TRIT1: variants seen among roughly 807,000 people sequenced by gnomAD.
The protein encoded by TRIT1 is tRNA dimethylallyltransferase.
TRIT1 carries 43 observed loss-of-function variants against 51.2 expected under a neutral mutation model. The ratio of observed to expected loss-of-function variants is 0.84; its 90% CI spans 0.66 to 1.08. The LOEUF is 1.08. Ranked by LOEUF, TRIT1 falls within the 50% of genes least tolerant of loss-of-function variation. TRIT1 has a pLI of 0.00. For missense variants in TRIT1, 528 were observed against 578.4 expected (o/e 0.91, Z 0.89); for synonymous variants, 184 against 203.9 (o/e 0.90, Z 0.83).
intron 1 of TRIT1, among the ~76,000 whole-genome samples, chr1:39,858,334 G>A (rs1368253887): frequency 3.3e-5 from 5 of 152,142 alleles, no homozygotes; most frequent in African/African-American, 1.2e-4. Flanking sequence ...AGACCCTGGC[G>A]CCAGGCTGCC....
chr1:39,870,513 T>TAAAAAAAAAAAAAAA (rs60334518), intron 1 of TRIT1, among the ~76,000 whole-genome samples: 3 of 78,788 alleles, frequency 3.8e-5, no homozygotes, highest in African/African-American at 1.5e-4. Context: ...CAATAAATAC[T>TAAAAAAAAAAAAAAA]AAAAAAAAAA....
chr1:39,880,808 A>G (rs1023584911), intron 1 of TRIT1, among the ~76,000 whole-genome samples: 11 of 142,646 alleles, frequency 7.7e-5, no homozygotes, highest in Admixed American at 2.0e-4. Context: ...CAAAAAAAAA[A>G]AGAAAAGAAA....
At chr1:39,869,207 A>G (rs1643730025) in intron 1 of TRIT1, among the ~76,000 whole-genome samples, 1 of 151,438 alleles carries the variant, frequency 6.6e-6, no homozygotes, top group Non-Finnish European at 1.5e-5. Context: ...TCCCTGCCTG[A>G]TTCTCCTGCT....
chr1:39,844,758 A>G (rs1009282627), intron 8 of TRIT1, 118 bp from the exon 9 acceptor site: 1 of 686,676 alleles, frequency 1.5e-6, no homozygotes, highest in Non-Finnish European at 2.6e-6. Flanking sequence ...CATTCTGACC[A>G]TGCTGTTAAT....
chr1:39,857,456 T>C, intron 1 of TRIT1, 39 bp from the exon 2 acceptor site: 15 of 1,602,866 alleles, frequency 9.4e-6, no homozygotes, highest in Non-Finnish European at 1.3e-5. Context: ...GTCAACCACC[T>C]CCATAAAAGA....
At chr1:39,853,585 G>A (rs141996544) in intron 3 of TRIT1, among the ~76,000 whole-genome samples, 288 of 152,002 alleles carry the variant, frequency 1.9e-3, no homozygotes, top group Middle Eastern at 6.8e-3. Context: ...TAGTAGAGAC[G>A]GGGTTTAGTA....
At chr1:39,873,662 T>C (rs1326309914) in intron 1 of TRIT1, among the ~76,000 whole-genome samples, 1 of 152,156 alleles carries the variant, frequency 6.6e-6, no homozygotes, top group Non-Finnish European at 1.5e-5. Flanking sequence ...GATATTAATA[T>C]TAGGACAAGG....
intron 1 of TRIT1, among the ~76,000 whole-genome samples, chr1:39,861,616 T>C (rs1643250436): frequency 6.6e-6 from 1 of 152,162 alleles, no homozygotes; most frequent in African/African-American, 2.4e-5. Flanking sequence ...AAATGAGTAT[T>C]ATTCAGCCTT....
At chr1:39,846,931 G>T in intron 8 of TRIT1, 1 of 286,106 alleles carries the variant, frequency 3.5e-6, no homozygotes, top group Non-Finnish European at 6.4e-6. Flanking sequence ...AATCAGCCCT[G>T]AACACCAACT....
Position 39,838,485 on chromosome 1 carries a change from T to A in TRIT1, c.*3259A>T, listed in dbSNP as rs1450799896. ...AGGGGGTTGTTAGTTTTATTTTCTT[T>A]TTGAGCAACATGGTCTTGCTCTGCC... On this transcript the variant is annotated 3_prime_UTR_variant, in exon 11 of 11. Transcript: ENST00000316891. Among the ~76,000 whole-genome samples the A allele has an allele frequency of 6.6e-6, 1 of 152,028 alleles. No individual in the cohort carries two copies. Among genetic ancestry groups the A allele is most frequent in the Admixed American group, 6.6e-5 (1 of 15,262 alleles).
chr1:39,865,090 A>G (rs1643461486), intron 1 of TRIT1, among the ~76,000 whole-genome samples: 1 of 152,222 alleles, frequency 6.6e-6, no homozygotes, highest in African/African-American at 2.4e-5. Context: ...TACTGAGATC[A>G]TTAATGAACA....
At chr1:39,871,015 G>A (rs751372238) in intron 1 of TRIT1, among the ~76,000 whole-genome samples, 1 of 152,148 alleles carries the variant, frequency 6.6e-6, no homozygotes, top group South Asian at 2.1e-4. Flanking sequence ...CCAATATGGA[G>A]AAACTATGTC....
Position 39,844,218 on chromosome 1 carries a change from C to T in TRIT1, c.1117G>A (p.Gly373Ser). The T allele has an allele frequency of 6.2e-7, 1 of 1,609,588 alleles. No homozygotes were observed. Among genetic ancestry groups the T allele is most frequent in the Non-Finnish European group, 8.5e-7 (1 of 1,176,012 alleles). The change falls in exon 10 of 11, where the codon GGC becomes AGC. Residue 373 changes from glycine (G) to serine (S), a missense_variant and splice_region_variant. Gly to Ser is a moderately conservative substitution (Grantham distance 56). Around this residue, in one of 3 missense-constraint regions of TRIT1, gnomAD observed 468 missense variants for 522.6 expected, o/e 0.90. Transcript: ENST00000316891. ...ATTGGAGTGGCTGTAGGCTTGTGGC[C>T]CTAAAAGAACAAGGGTGGAAGGGAG... ...ALEIVQSFIQ[G>S]HKPTATPIKM...
rs75316279 is a variant in TRIT1 at position 39,839,032 on chromosome 1, C to G, written c.*2712G>C. On this transcript the variant is annotated 3_prime_UTR_variant, in exon 11 of 11. Coordinates refer to ENST00000316891, the MANE Select transcript of TRIT1 (RefSeq NM_017646.6). ...CAAAGTACTTTCTACCCACTTACAA[C>G]AGCACTGCCTGAACTGTGAGAAGTA... Among the ~76,000 whole-genome samples, 1 of 152,218 alleles carries G rather than the reference C, an allele frequency of 6.6e-6. No homozygotes were observed. The highest frequency in any genetic ancestry group is 1.5e-5 in the Non-Finnish European group (1 of 68,042).
At position 39,840,854 on chromosome 1, in the gene TRIT1, T is replaced by C. The variant is rs545130682; in HGVS notation, c.*890A>G. 2.9e-4 allele frequency among the ~76,000 whole-genome samples: 44 copies of C among 152,288 alleles called. No homozygotes were observed. The highest frequency in any genetic ancestry group is 9.9e-4 in the African/African-American group (41 of 41,580). The stretch of plus-strand genomic sequence containing the variant: ...GAAAGAGGGCTTCAATTGGAAGTAA[T>C]AGATCTCCAATAAAAGACCCTCTCT... On this transcript the variant is annotated 3_prime_UTR_variant, in exon 11 of 11. Transcript: ENST00000316891.
Position 39,840,482 on chromosome 1 carries a change from C to G in TRIT1, c.*1262G>C, listed in dbSNP as rs1034379962. Among the ~76,000 whole-genome samples the G allele has an allele frequency of 9.0e-4, 137 of 152,296 alleles. 1 individual carries two copies. Among genetic ancestry groups the G allele is most frequent in the African/African-American group, 3.2e-3 (131 of 41,560 alleles). The stretch of plus-strand genomic sequence containing the variant: ...AAACTGAAATTCTACACAGCTCTTA[C>G]GGCCTTTGATACTGTCTTGCCTGGA... On this transcript the variant is annotated 3_prime_UTR_variant, in exon 11 of 11. Transcript: ENST00000316891.
chr1:39,854,348 G>C (rs1209293326), intron 2 of TRIT1, among the ~76,000 whole-genome samples: 2 of 152,182 alleles, frequency 1.3e-5, no homozygotes, highest in African/African-American at 4.8e-5. Flanking sequence ...AGTTTTATTA[G>C]TATTCCAAAT....
intron 1 of TRIT1, among the ~76,000 whole-genome samples, chr1:39,863,370 G>A (rs1643356547): frequency 6.6e-6 from 1 of 152,100 alleles, no homozygotes; most frequent in Non-Finnish European, 1.5e-5. Context: ...TGAGGCAGGA[G>A]GACTGCTTAG....
chr1:39,875,361 G>A (rs538229206), intron 1 of TRIT1, among the ~76,000 whole-genome samples: 23 of 152,136 alleles, frequency 1.5e-4, no homozygotes, highest in Non-Finnish European at 2.5e-4. Flanking sequence ...GGTGGCATGC[G>A]TCTGTAATCC....
Sources: gnomAD v4.1 joint callset for allele counts (sites outside exome capture counted in the v4.1 genomes callset) on GRCh38, gnomAD v4.1.1 for gene constraint, gnomAD v4.1.1 regional missense constraint, MANE v1.5 for transcripts, NCBI Gene and HGNC (gene_info 2026-07-23, HGNC 2026-07-21) for gene names.